PALLD: variants seen among roughly 807,000 people sequenced by gnomAD.
PALLD encodes the protein palladin.
PALLD carries 61 observed loss-of-function variants against 123.5 expected under a neutral mutation model. The observed-to-expected ratio is 0.49, with a 90% CI of 0.40 to 0.61. The LOEUF (loss-of-function observed/expected upper bound fraction) is 0.61. Ranked by LOEUF, PALLD falls within the 20% of genes least tolerant of loss-of-function variation. The probability of loss-of-function intolerance (pLI) is 0.00; values close to 1 mark genes in which losing one functional copy is unlikely to be tolerated. For synonymous variants in PALLD, 465 were observed against 496.4 expected (o/e 0.94, Z 0.84); for missense variants, 1,273 against 1,377.0 (o/e 0.92, Z 1.20).
At chr4:168,880,898 G>GTTTTC (rs529718167) in intron 10 of PALLD, among the ~76,000 whole-genome samples, 3 of 151,944 alleles carry the variant, frequency 2.0e-5, no homozygotes, top group Admixed American at 6.6e-5. Context: ...CAATATCTTA[G>GTTTTC]TTTTCTTTTC....
intron 2 of PALLD, among the ~76,000 whole-genome samples, chr4:168,626,510 G>C (rs1775307563): frequency 6.6e-6 from 1 of 151,416 alleles, no homozygotes; most frequent in Admixed American, 6.6e-5. Context: ...AGGAGATAGA[G>C]ACCATCCTGG....
At chr4:168,619,419 G>T (rs890639685) in intron 2 of PALLD, among the ~76,000 whole-genome samples, 4 of 152,206 alleles carry the variant, frequency 2.6e-5, no homozygotes, top group African/African-American at 7.2e-5. Context: ...TAATCTAACT[G>T]AAATAGGCAG....
At chr4:168,788,079 C>G (rs557784397) in intron 10 of PALLD, among the ~76,000 whole-genome samples, 14 of 152,126 alleles carry the variant, frequency 9.2e-5, no homozygotes, top group Non-Finnish European at 1.6e-4. Flanking sequence ...GTGTAGCATG[C>G]GATTCCAAAA....
intron 2 of PALLD, among the ~76,000 whole-genome samples, chr4:168,614,017 C>T (rs926686726): frequency 2.0e-5 from 3 of 152,188 alleles, no homozygotes; most frequent in African/African-American, 7.2e-5. Flanking sequence ...AATTCGGTTT[C>T]GACTGTTCTT....
chr4:168,752,241 G>T (rs770353411), intron 10 of PALLD, among the ~76,000 whole-genome samples: 1 of 152,228 alleles, frequency 6.6e-6, no homozygotes, highest in Non-Finnish European at 1.5e-5. Flanking sequence ...GGGCTTGGCG[G>T]CATGCGCCTG....
At chr4:168,611,158 T>C (rs1023205609) in intron 2 of PALLD, among the ~76,000 whole-genome samples, 2 of 151,848 alleles carry the variant, frequency 1.3e-5, no homozygotes, top group African/African-American at 4.8e-5. Flanking sequence ...GCAAACGGAG[T>C]TGTTTTCTGG....
At chr4:168,738,959 C>A (rs1378190094) in intron 10 of PALLD, among the ~76,000 whole-genome samples, 10 of 152,136 alleles carry the variant, frequency 6.6e-5, no homozygotes, top group Admixed American at 6.5e-4. Flanking sequence ...AGGTATCTAT[C>A]ATTCTGCTTT....
chr4:168,800,422 T>A (rs541221903), intron 10 of PALLD, among the ~76,000 whole-genome samples: 1 of 152,006 alleles, frequency 6.6e-6, no homozygotes, highest in Non-Finnish European at 1.5e-5. Flanking sequence ...TTTTAAAAGC[T>A]ACCAGGCAAT....
In PALLD at chr4:168,600,036, T is replaced by TAC. The variant is rs1475813912; in HGVS notation, c.909-68152_909-68151dup. The stretch of plus-strand genomic sequence containing the variant: ...ATACATGTGTGTACACACACATACA[T>TAC]ACATGTGTATACACACATATATACA... On this transcript the variant is annotated intron_variant, in intron 2 of 21. Transcript: ENST00000505667. Among the ~76,000 whole-genome samples, 13 of 148,872 alleles carry TAC rather than the reference T, an allele frequency of 8.7e-5. No homozygotes were observed. The South Asian group carries it at 2.5e-3, about 29-fold the overall frequency.
intron 2 of PALLD, among the ~76,000 whole-genome samples, chr4:168,641,542 C>A (rs1386942783): frequency 6.6e-6 from 1 of 152,268 alleles, no homozygotes; most frequent in Admixed American, 6.5e-5. Flanking sequence ...ACCCTGGTTC[C>A]GTCCTGTTTT....
chr4:168,539,952 C>T (rs767848122), intron 2 of PALLD, among the ~76,000 whole-genome samples: 2 of 151,950 alleles, frequency 1.3e-5, no homozygotes, highest in Non-Finnish European at 2.9e-5. Flanking sequence ...TTTCTCACCC[C>T]CTTCCCTTCT....
chr4:168,924,814 A>G (rs1762262997), intron 19 of PALLD, 131 bp from the exon 20 acceptor site: 2 of 878,012 alleles, frequency 2.3e-6, no homozygotes, highest in African/African-American at 1.6e-5. Flanking sequence ...TAATCTCTAC[A>G]GAATAAGTAT....
chr4:168,738,385 G>C (rs1021734565), intron 10 of PALLD, among the ~76,000 whole-genome samples: 1 of 151,964 alleles, frequency 6.6e-6, no homozygotes, highest in East Asian at 1.9e-4. Context: ...CACAATGTTC[G>C]ATAATTTTTA....
At chr4:168,709,294 G>A (rs1403484336) in intron 9 of PALLD, 147 bp downstream of exon 9, 32 of 790,558 alleles carry the variant, frequency 4.0e-5, no homozygotes, top group Non-Finnish European at 6.6e-5. Context: ...CAGATCACTT[G>A]AGGTGAAGAG....
chr4:168,786,599 G>T (rs1736795288), intron 10 of PALLD, among the ~76,000 whole-genome samples: 1 of 152,200 alleles, frequency 6.6e-6, no homozygotes, highest in African/African-American at 2.4e-5. Context: ...GAGTGCAGGA[G>T]GTCGAGGCTG....
chr4:168,655,580 A>G (rs1311709215), intron 2 of PALLD, among the ~76,000 whole-genome samples: 2 of 152,266 alleles, frequency 1.3e-5, no homozygotes, highest in Non-Finnish European at 2.9e-5. Context: ...CAACTGAAGC[A>G]TCATTTGGAG....
At chr4:168,576,646 T>C (rs1198329606) in intron 2 of PALLD, among the ~76,000 whole-genome samples, 3 of 152,132 alleles carry the variant, frequency 2.0e-5, no homozygotes, top group Non-Finnish European at 4.4e-5. Flanking sequence ...TGTTGGACAT[T>C]TGGGTTGGTT....
chr4:168,626,400 C>CAAAA (rs374572213), intron 2 of PALLD, among the ~76,000 whole-genome samples: 40 of 98,830 alleles, frequency 4.0e-4, no homozygotes, highest in African/African-American at 1.6e-3. Flanking sequence ...GACTCCATCT[C>CAAAA]AAAAAAAAAA....
At chr4:168,766,997 C>A (rs971606898) in intron 10 of PALLD, among the ~76,000 whole-genome samples, 1 of 152,146 alleles carries the variant, frequency 6.6e-6, no homozygotes, top group African/African-American at 2.4e-5. Flanking sequence ...TACTGTAAAT[C>A]TTCCTTTTAT....
Sources: gnomAD v4.1 joint callset for allele counts (sites outside exome capture counted in the v4.1 genomes callset) on GRCh38, gnomAD v4.1.1 for gene constraint, MANE v1.5 for transcripts, NCBI Gene and HGNC (gene_info 2026-07-23, HGNC 2026-07-21) for gene names.